JMJD1C: variants seen among roughly 807,000 people sequenced by gnomAD.
JMJD1C encodes the protein jumonji domain containing 1C.
A neutral mutation model predicts 245.3 loss-of-function variants in JMJD1C; 31 were observed. The observed-to-expected ratio is 0.13, with a 90% confidence interval of 0.09 to 0.17. The LOEUF (loss-of-function observed/expected upper bound fraction) is 0.17. JMJD1C is among the 10% of genes least tolerant of loss of function. JMJD1C has a pLI of 1.00. For synonymous variants in JMJD1C, 1,057 were observed against 1,017.4 expected (o/e 1.04, Z -0.74); for missense variants, 2,691 against 3,000.2 (o/e 0.90, Z 2.41).
rs1422445961 is a variant in JMJD1C at position 63,216,716 on chromosome 10, C to CA, written c.678+490dup. ...CAGAGCGAGACTCCAGCTCAAAAAACAAAAAACAAAAAACAAACAAAAACT... is the reference window on the plus strand; with the variant it reads ...CAGAGCGAGACTCCAGCTCAAAAAACAAAAAAACAAAAAACAAACAAAAACT... On this transcript the variant is annotated intron_variant, in intron 5 of 25. Coordinates refer to ENST00000399262, the MANE Select transcript of JMJD1C (RefSeq NM_032776.3). Among the ~76,000 whole-genome samples, 8 of 142,134 alleles carry CA rather than the reference C, an allele frequency of 5.6e-5. No individual in the cohort carries two copies. The South Asian group carries it at 1.6e-3, about 28-fold the overall frequency. The allele number at this position is 142,134 out of a possible 152,430, so 93.2% of individuals were successfully genotyped here.
intron 4 of JMJD1C, chr10:63,217,839 A>T (rs1168117742): frequency 6.6e-6 from 1 of 152,146 alleles, no homozygotes; most frequent in Non-Finnish European, 1.5e-5. Flanking sequence ...GTGAATGTAT[A>T]CATATAGCAC....
chr10:63,442,762 G>C (rs1051463919), intron 1 of JMJD1C, among the ~76,000 whole-genome samples: 2 of 152,190 alleles, frequency 1.3e-5, no homozygotes, highest in Non-Finnish European at 2.9e-5. Context: ...GTCATAGAAA[G>C]TATAACAATG....
At chr10:63,367,371 C>T (rs376868579) in intron 2 of JMJD1C, among the ~76,000 whole-genome samples, 16 of 152,182 alleles carry the variant, frequency 1.1e-4, no homozygotes, top group Admixed American at 3.9e-4. Context: ...CTCAGCCTCC[C>T]GAGTAGCTAG....
intron 2 of JMJD1C, chr10:63,301,665 T>C (rs1032354683): frequency 2.5e-6 from 1 of 398,732 alleles, no homozygotes; most frequent in Non-Finnish European, 5.0e-6. Flanking sequence ...GTCCGGGGCC[T>C]GACAAGGGGA....
At chr10:63,235,578 TTATC>T (rs1282995905) in intron 3 of JMJD1C, among the ~76,000 whole-genome samples, 2 of 152,204 alleles carry the variant, frequency 1.3e-5, no homozygotes, top group African/African-American at 4.8e-5. Flanking sequence ...GAAAGATTAT[TTATC>T]TATTTAACAG....
At chr10:63,228,992 AATC>A (rs1849644111) in intron 3 of JMJD1C, among the ~76,000 whole-genome samples, 1 of 152,152 alleles carries the variant, frequency 6.6e-6, no homozygotes, top group Admixed American at 6.5e-5. Context: ...CAGAGATTGG[AATC>A]ATCATCTTCT....
intron 1 of JMJD1C, among the ~76,000 whole-genome samples, chr10:63,402,393 G>C (rs7896783): frequency 6.6e-6 from 1 of 151,926 alleles, no homozygotes; most frequent in Non-Finnish European, 1.5e-5. Flanking sequence ...TTTGTGTTGA[G>C]TGAATAAATG....
intron 2 of JMJD1C, among the ~76,000 whole-genome samples, chr10:63,296,311 T>C (rs1039591088): frequency 5.9e-5 from 9 of 151,914 alleles, no homozygotes; most frequent in African/African-American, 1.9e-4. Flanking sequence ...TGCCTGGCTA[T>C]CTTGTTGATT....
chr10:63,265,311 T>G (rs138672857), intron 2 of JMJD1C, among the ~76,000 whole-genome samples: 19 of 135,494 alleles, frequency 1.4e-4, no homozygotes, highest in African/African-American at 5.3e-4. Context: ...GCAGCTTCGG[T>G]GAGAGAAGCA....
At chr10:63,386,278 T>TC (rs1947583556) in intron 1 of JMJD1C, among the ~76,000 whole-genome samples, 1 of 152,048 alleles carries the variant, frequency 6.6e-6, no homozygotes, top group African/African-American at 2.4e-5. Context: ...GCTGCCAGGG[T>TC]CAACACCCTA....
chr10:63,185,664 T>C lies in JMJD1C; in HGVS notation c.6740-11A>G. 6.9e-7 allele frequency: 1 copy of C among 1,454,476 alleles called. No individual in the cohort carries two copies. The highest frequency in any genetic ancestry group is 9.6e-7 in the Non-Finnish European group (1 of 1,038,906). 90.1% of individuals were successfully genotyped at this position (1,454,476 alleles called of 1,614,324 possible). On this transcript the variant is annotated splice_polypyrimidine_tract_variant and intron_variant, in intron 19 of 25. Transcript: ENST00000399262. ...TGTTTTTCTGCCGTTCTATAAGGAATGCAGTTAATTACTAAAAGGGTAATT... is the reference window on the plus strand; with the variant it reads ...TGTTTTTCTGCCGTTCTATAAGGAACGCAGTTAATTACTAAAAGGGTAATT...
At chr10:63,217,447 T>G (rs1848122922) in intron 4 of JMJD1C, 116 bp from the exon 5 acceptor site, 1 of 776,912 alleles carries the variant, frequency 1.3e-6, no homozygotes, top group Admixed American at 3.4e-5. Flanking sequence ...ACTATCAGTT[T>G]TCAAAAAAAT....
At chr10:63,439,251 T>C (rs191856034) in intron 1 of JMJD1C, among the ~76,000 whole-genome samples, 1 of 152,334 alleles carries the variant, frequency 6.6e-6, no homozygotes, top group East Asian at 1.9e-4. Context: ...TAGACCTCAG[T>C]AGCTTTCTTC....
rs933246739 is a variant in JMJD1C, at chr10:63,219,782, C to T, written c.553+96G>A. ...TATAACTCAAAATATTGGACTGGGC[C>T]TTCTATTTATATTGCACACAATTGA... On this transcript the variant is annotated intron_variant, in intron 4 of 25. Coordinates refer to ENST00000399262, the MANE Select transcript of JMJD1C (RefSeq NM_032776.3). 13 of 727,204 alleles carry T rather than the reference C, an allele frequency of 1.8e-5. No homozygotes were observed. The Admixed American group carries it at 2.6e-4, about 15-fold the overall frequency. 45.0% of individuals were successfully genotyped at this position (727,204 alleles called of 1,614,324 possible).
intron 2 of JMJD1C, among the ~76,000 whole-genome samples, chr10:63,333,238 T>G (rs1942350922): frequency 6.6e-6 from 1 of 152,130 alleles, no homozygotes. Context: ...AAAAACAATA[T>G]CCATTCTCCT....
intron 3 of JMJD1C, among the ~76,000 whole-genome samples, chr10:63,263,228 C>CA (rs899554497): frequency 3.3e-5 from 5 of 152,156 alleles, no homozygotes; most frequent in South Asian, 2.1e-4. Flanking sequence ...GCTAACAATA[C>CA]AAAAAAACTA....
intron 2 of JMJD1C, among the ~76,000 whole-genome samples, chr10:63,318,441 T>C (rs1490000059): frequency 6.6e-6 from 1 of 152,196 alleles, no homozygotes; most frequent in Non-Finnish European, 1.5e-5. Flanking sequence ...TACATTTCTC[T>C]TATGTTAATG....
At chr10:63,262,192 C>T (rs1589319575) in intron 3 of JMJD1C, among the ~76,000 whole-genome samples, 1 of 152,126 alleles carries the variant, frequency 6.6e-6, no homozygotes, top group East Asian at 1.9e-4. Context: ...GTAACAGCTG[C>T]CATTTTAAGA....
At chr10:63,454,759 C>T (rs539638311) in intron 1 of JMJD1C, among the ~76,000 whole-genome samples, 114 of 152,298 alleles carry the variant, frequency 7.5e-4, no homozygotes, top group Non-Finnish European at 1.4e-3. Context: ...AAGTGCCACA[C>T]ATTAGTGGCT....
Sources: gnomAD v4.1 joint callset for allele counts (sites outside exome capture counted in the v4.1 genomes callset) on GRCh38, gnomAD v4.1.1 for gene constraint, MANE v1.5 for transcripts, NCBI Gene and HGNC (gene_info 2026-07-23, HGNC 2026-07-21) for gene names.